The following RUNX1 variants were observed in gnomAD, a reference collection of about 807,000 sequenced individuals.
RUNX1 encodes RUNX family transcription factor 1.
In RUNX1, 19 loss-of-function variants were observed where a neutral mutation model predicts 42.8. The ratio of observed to expected loss-of-function variants is 0.44; its 90% CI spans 0.31 to 0.65. RUNX1 has a LOEUF of 0.65. Among genes scored for constraint, RUNX1 ranks in the 30% least tolerant of loss-of-function variants. The pLI is 0.07. For missense variants in RUNX1, 528 were observed against 672.0 expected (o/e 0.79, Z 2.37); for synonymous variants, 271 against 289.4 (o/e 0.94, Z 0.64).
At chr21:35,007,250 C>T (rs189656392) in intron 2 of RUNX1, among the ~76,000 whole-genome samples, 3 of 152,312 alleles carry the variant, frequency 2.0e-5, no homozygotes, top group South Asian at 2.1e-4. Context: ...CGTTCATCTG[C>T]GGGCTTGTGT....
At chr21:34,983,619 G>A (rs1317086914) in intron 2 of RUNX1, among the ~76,000 whole-genome samples, 3 of 152,128 alleles carry the variant, frequency 2.0e-5, no homozygotes, top group South Asian at 2.1e-4. Flanking sequence ...GCTACCTGGG[G>A]CAGGGGTTTA....
chr21:34,852,111 T>C (rs944046232), intron 6 of RUNX1, among the ~76,000 whole-genome samples: 3 of 152,170 alleles, frequency 2.0e-5, no homozygotes, highest in Admixed American at 2.0e-4. Context: ...GAGGTTGCAG[T>C]GAGCTGAGAT....
At chr21:34,884,575 G>A (rs188278502) in intron 4 of RUNX1, among the ~76,000 whole-genome samples, 16 of 152,318 alleles carry the variant, frequency 1.1e-4, no homozygotes, top group African/African-American at 3.9e-4. Context: ...AGTGAAGCCA[G>A]GGACACACAC....
chr21:34,945,179 C>A (rs535012563), intron 2 of RUNX1, among the ~76,000 whole-genome samples: 6 of 152,314 alleles, frequency 3.9e-5, no homozygotes, highest in Non-Finnish European at 8.8e-5. Context: ...CAGATATGAA[C>A]TATAGTATGC....
At chr21:34,850,413 C>A (rs922681482) in intron 6 of RUNX1, among the ~76,000 whole-genome samples, 1 of 152,254 alleles carries the variant, frequency 6.6e-6, no homozygotes, top group African/African-American at 2.4e-5. Context: ...AGCTTGGCTG[C>A]GGGGAGAGAT....
chr21:34,834,244 T>C (rs2057107409), intron 7 of RUNX1, 166 bp downstream of exon 7: 1 of 751,992 alleles, frequency 1.3e-6, no homozygotes, highest in Non-Finnish European at 2.3e-6. Flanking sequence ...GGCCCAAGAC[T>C]CTGCATTTCC....
chr21:34,812,144 T>C (rs1011736602), intron 7 of RUNX1, among the ~76,000 whole-genome samples: 2 of 152,254 alleles, frequency 1.3e-5, no homozygotes, highest in African/African-American at 2.4e-5. Context: ...TTTGGAATAA[T>C]TGGATTTCTT....
In RUNX1 at chr21:34,887,016, C is replaced by T. The variant is rs1254381316; in HGVS notation, c.178G>A (p.Ala60Thr). The change falls in exon 4 of 9, where the codon GCC becomes ACC. Residue 60 changes from alanine to threonine, a missense_variant. Coordinates refer to ENST00000675419, the MANE Select transcript of RUNX1 (RefSeq NM_001754.5). ...GKMSEALPLG[A>T]PDAGAALAGK... is the part of the protein sequence containing the mutation. Reference sequence around the variant, plus strand: ...GCCAGGGCAGCGCCGGCGTCCGGGGCGCCCAGCGGCAACGCCTCGCTCATC... The same window carrying T: ...GCCAGGGCAGCGCCGGCGTCCGGGGTGCCCAGCGGCAACGCCTCGCTCATC... 2 of 1,601,852 alleles carry T rather than the reference C, an allele frequency of 1.2e-6. No homozygotes were observed. The highest frequency in any genetic ancestry group is 1.6e-4 in the Middle Eastern group (1 of 6,066).
chr21:34,895,263 G>A (rs900174600), intron 2 of RUNX1, among the ~76,000 whole-genome samples: 1 of 152,014 alleles, frequency 6.6e-6, no homozygotes, highest in Non-Finnish European at 1.5e-5. Flanking sequence ...AGTTTAAAAG[G>A]GCATCTTTAG....
At chr21:35,042,622 A>G (rs1404023233) in intron 2 of RUNX1, among the ~76,000 whole-genome samples, 1 of 152,218 alleles carries the variant, frequency 6.6e-6, no homozygotes, top group South Asian at 2.1e-4. Flanking sequence ...CAGGACCCAC[A>G]AGAAGGGGTT....
chr21:34,984,378 G>C (rs1483163082), intron 2 of RUNX1, among the ~76,000 whole-genome samples: 4 of 152,114 alleles, frequency 2.6e-5, no homozygotes, highest in Non-Finnish European at 1.5e-5. Flanking sequence ...GCCAATCTCA[G>C]TATGTCATTG....
rs189933920 is a variant in RUNX1, at chr21:35,008,288, A to G, written c.58+40554T>C. ...GCCTCATATTAGGGGAATGTATGTG[A>G]GCATTTCCATTCTCATCTAGAGGAG... On this transcript the variant is annotated intron_variant, in intron 2 of 8. Coordinates refer to ENST00000675419, the MANE Select transcript of RUNX1 (RefSeq NM_001754.5). 4.1e-4 allele frequency among the ~76,000 whole-genome samples: 62 copies of G among 152,316 alleles called. 1 individual carries two copies. Among genetic ancestry groups the G allele is most frequent in the African/African-American group, 1.4e-3 (58 of 41,572 alleles).
At chr21:34,881,072 T>C (rs1050240715) in intron 4 of RUNX1, among the ~76,000 whole-genome samples, 5 of 152,158 alleles carry the variant, frequency 3.3e-5, no homozygotes, top group African/African-American at 1.2e-4. Flanking sequence ...CATAGCACAG[T>C]TGGAACAAGA....
intron 2 of RUNX1, among the ~76,000 whole-genome samples, chr21:34,910,022 GCCAGC>G (rs1375668556): frequency 2.8e-4 from 42 of 152,306 alleles, no homozygotes; most frequent in African/African-American, 9.9e-4. Context: ...ACTTCTACAG[GCCAGC>G]TTGGCCACTG....
intron 2 of RUNX1, among the ~76,000 whole-genome samples, chr21:34,978,180 C>T (rs940917654): frequency 3.3e-5 from 5 of 152,150 alleles, no homozygotes; most frequent in East Asian, 3.8e-4. Context: ...CCTCATGATC[C>T]GCCCGCCTCG....
chr21:35,014,159 T>A (rs1392614871), intron 2 of RUNX1, among the ~76,000 whole-genome samples: 1 of 152,218 alleles, frequency 6.6e-6, no homozygotes, highest in East Asian at 1.9e-4. Context: ...CACATAATTT[T>A]AAAAATTAAT....
intron 5 of RUNX1, among the ~76,000 whole-genome samples, chr21:34,866,446 T>C (rs1328668911): frequency 6.6e-6 from 1 of 152,218 alleles, no homozygotes; most frequent in Non-Finnish European, 1.5e-5. Flanking sequence ...TGGCTTTGGG[T>C]CTAATTTTAA....
intron 2 of RUNX1, among the ~76,000 whole-genome samples, chr21:34,961,827 A>G (rs968169157): frequency 7.9e-5 from 12 of 152,312 alleles, no homozygotes; most frequent in East Asian, 1.9e-4. Context: ...TCTCTGAATT[A>G]GTGTGCTTCT....
chr21:35,026,779 G>A (rs1427441731), intron 2 of RUNX1, among the ~76,000 whole-genome samples: 1 of 152,232 alleles, frequency 6.6e-6, no homozygotes, highest in Non-Finnish European at 1.5e-5. Flanking sequence ...GAAAGCAACA[G>A]CCAGAAACGG....
Sources: gnomAD v4.1 joint callset for allele counts (sites outside exome capture counted in the v4.1 genomes callset) on GRCh38, gnomAD v4.1.1 for gene constraint, MANE v1.5 for transcripts, NCBI Gene and HGNC (gene_info 2026-07-23, HGNC 2026-07-21) for gene names.